Variants in HPGD observed in about 807,000 individuals in gnomAD.
HPGD encodes the protein 15-hydroxyprostaglandin dehydrogenase [NAD(+)].
HPGD carries 29 observed loss-of-function variants against 30.0 expected under a neutral mutation model. The ratio of observed to expected loss-of-function variants is 0.97; its 90% CI spans 0.72 to 1.32. The LOEUF (loss-of-function observed/expected upper bound fraction) is 1.32. HPGD is among the 40% of genes most tolerant of loss of function. HPGD has a pLI of 0.00. For missense variants in HPGD, 340 were observed against 322.1 expected (o/e 1.06, Z -0.43); for synonymous variants, 99 against 112.4 (o/e 0.88, Z 0.75).
In HPGD at chr4:174,493,505, A is replaced by G. The variant is rs13127058; in HGVS notation, c.499-191T>C. 119,489 of 548,114 alleles carry G rather than the reference A, an allele frequency of 0.22. 15,051 individuals carry two copies. Among genetic ancestry groups the G allele is most frequent in the East Asian group, 0.52 (16,079 of 30,938 alleles). 34.0% of individuals were successfully genotyped at this position (548,114 alleles called of 1,614,324 possible). A position where few individuals can be genotyped will look rare whatever the true frequency, so the allele number is the denominator to read the frequency against. ...TAAAGTATTGTATTAATTCCTGAAA[A>G]TCTCACCTAATTAATTTTTTTTAAA... is the stretch of plus-strand genomic sequence containing the variant. On this transcript the variant is annotated intron_variant, in intron 5 of 6. Coordinates refer to ENST00000296522, the MANE Select transcript of HPGD (RefSeq NM_000860.6).
chr4:174,499,991 A>C (rs1199515686), intron 4 of HPGD, among the ~76,000 whole-genome samples: 1 of 152,000 alleles, frequency 6.6e-6, no homozygotes, highest in Non-Finnish European at 1.5e-5. Context: ...TCAAATTTAA[A>C]ATACTTATCT....
At chr4:174,519,601 TC>T (rs1735977403) in intron 2 of HPGD, among the ~76,000 whole-genome samples, 1 of 152,082 alleles carries the variant, frequency 6.6e-6, no homozygotes. Context: ...AAATGGCCGG[TC>T]CTTGCCTTAA....
chr4:174,511,215 G>GA (rs34118686), intron 3 of HPGD, among the ~76,000 whole-genome samples: 166 of 144,366 alleles, frequency 1.1e-3, no homozygotes, highest in South Asian at 3.7e-3. Flanking sequence ...GTGCATTTCA[G>GA]AAAAAAAAAA....
At chr4:174,517,377 A>G (rs1735842433) in intron 3 of HPGD, among the ~76,000 whole-genome samples, 1 of 152,208 alleles carries the variant, frequency 6.6e-6, no homozygotes, top group Non-Finnish European at 1.5e-5. Flanking sequence ...GTTACATTCT[A>G]GCATTTAATT....
chr4:174,514,073 A>C (rs1194360224), intron 3 of HPGD, among the ~76,000 whole-genome samples: 3 of 152,142 alleles, frequency 2.0e-5, no homozygotes, highest in Non-Finnish European at 4.4e-5. Flanking sequence ...TTATAAGAAA[A>C]GAAAATTAAG....
At chr4:174,513,187 C>T (rs765238220) in intron 3 of HPGD, among the ~76,000 whole-genome samples, 4 of 152,006 alleles carry the variant, frequency 2.6e-5, no homozygotes, top group Non-Finnish European at 4.4e-5. Context: ...TAGATATTAC[C>T]GATGAAGCTA....
chr4:174,514,634 ATATTCAACATAG>A (rs1735675579), intron 3 of HPGD, among the ~76,000 whole-genome samples: 1 of 152,122 alleles, frequency 6.6e-6, no homozygotes, highest in African/African-American at 2.4e-5. Flanking sequence ...CTCACCACTC[ATATTCAACATAG>A]TACTGGAAAT....
In HPGD at chr4:174,493,257, C is replaced by A. The variant is rs755487700; in HGVS notation, c.556G>T (p.Val186Phe). 2 of 1,613,164 alleles carry A rather than the reference C, an allele frequency of 1.2e-6. No homozygotes were observed. Among genetic ancestry groups the A allele is most frequent in the Non-Finnish European group, 1.7e-6 (2 of 1,179,458 alleles). Residue 186 changes from valine (V) to phenylalanine (F), a missense_variant, in exon 6 of 7, where the codon GTT becomes TTT. Val to Phe is a conservative substitution (Grantham distance 50). Transcript: ENST00000296522. The stretch of plus-strand genomic sequence containing the variant: ...ATTGATTCAAGGATGGCTGTGTTAA[C>A]AAAGCCTGGACAAATGGCATTCAGT... ...VRLNAICPGFVNTAILESIEK... is the reference protein window; with the variant it reads ...VRLNAICPGFFNTAILESIEK...
intron 4 of HPGD, among the ~76,000 whole-genome samples, chr4:174,500,446 T>C (rs899529077): frequency 2.0e-5 from 3 of 152,218 alleles, no homozygotes; most frequent in African/African-American, 7.2e-5. Flanking sequence ...AAAATCTGTG[T>C]GTGGATGCTT....
chr4:174,508,297 T>C (rs1313859522), intron 4 of HPGD: 1 of 580,534 alleles, frequency 1.7e-6, no homozygotes, highest in African/African-American at 1.9e-5. Flanking sequence ...ATATATGCCA[T>C]ATTTTAAAAT....
chr4:174,497,687 C>T (rs1334932337), intron 4 of HPGD, among the ~76,000 whole-genome samples: 1 of 143,732 alleles, frequency 7.0e-6, no homozygotes, highest in Non-Finnish European at 1.5e-5. Context: ...AAGGGATTCT[C>T]CTGCCTCAGC....
In HPGD at chr4:174,496,912, T is replaced by A. The variant is rs1734623427; in HGVS notation, c.422-1288A>T. ...GTGTCCACCCAATGATTTCAAAGTA[T>A]TGTTAATATGTTGCTTCTCTTGTTG... On this transcript the variant is annotated intron_variant, in intron 4 of 6. Transcript: ENST00000296522. The surrounding 1 kb of genome is among the most constrained non-coding windows in gnomAD (Gnocchi z 4.6). Among the ~76,000 whole-genome samples the A allele has an allele frequency of 6.6e-6, 1 of 152,262 alleles. No individual in the cohort carries two copies. The highest frequency in any genetic ancestry group is 2.4e-5 in the African/African-American group (1 of 41,472).
chr4:174,520,334 AT>A (rs1381130445), intron 2 of HPGD, among the ~76,000 whole-genome samples: 3 of 152,178 alleles, frequency 2.0e-5, no homozygotes, highest in Non-Finnish European at 1.5e-5. Context: ...CTTGGCTGTG[AT>A]TTGTTCATTT....
rs1397241763 is a variant in HPGD, at chr4:174,492,609, G to C, written c.663-515C>G. Among the ~76,000 whole-genome samples the C allele has an allele frequency of 6.6e-6, 1 of 152,008 alleles. No individual in the cohort carries two copies. The highest frequency in any genetic ancestry group is 1.5e-5 in the Non-Finnish European group (1 of 67,914). ...TGTATTATCTCTATTTTATATGTGA[G>C]AAAATTGAAGCATCTAGAGGTATGA... On this transcript the variant is annotated intron_variant, in intron 6 of 6. Transcript: ENST00000296522. This position sits in a 1 kb window ranked among gnomAD's most constrained non-coding sequence, Gnocchi z 4.9.
Position 174,492,038 on chromosome 4 carries a change from C to G in HPGD, c.719G>C (p.Gly240Ala). 1 of 1,608,970 alleles carries G rather than the reference C, an allele frequency of 6.2e-7. No individual in the cohort carries two copies. Among genetic ancestry groups the G allele is most frequent in the South Asian group, 1.1e-5 (1 of 90,982 alleles). Residue 240 changes from glycine to alanine, a missense_variant, in exon 7 of 7, where the codon GGT becomes GCT. Physicochemically the swap from Gly to Ala is moderately conservative, Grantham distance 60. Coordinates refer to ENST00000296522, the MANE Select transcript of HPGD (RefSeq NM_000860.6). The surrounding 1 kb of genome is among the most constrained non-coding windows in gnomAD (Gnocchi z 4.9). ...ITLIEDDALN[G>A]AIMKITTSKG... ...AGAAGTTGTGATCTTCATAATAGCA[C>G]CATTTAAAGCATCATCTTCAATGAG... is the stretch of plus-strand genomic sequence containing the variant.
At chr4:174,517,671 T>A (rs376098528) in intron 3 of HPGD, among the ~76,000 whole-genome samples, 2 of 152,286 alleles carry the variant, frequency 1.3e-5, no homozygotes, top group East Asian at 3.9e-4. Context: ...AGCTTGCAGG[T>A]CATACCAAAA....
Position 174,505,037 on chromosome 4 carries a change from A to T in HPGD, c.421+3659T>A, listed in dbSNP as rs45602831. Among the ~76,000 whole-genome samples, 1,001 of 152,318 alleles carry T rather than the reference A, an allele frequency of 6.6e-3. 11 individuals are homozygous for T. The highest frequency in any genetic ancestry group is 0.023 in the African/African-American group (947 of 41,572). ...AATAAAAACTCGTGTAGAAAAGTCC[A>T]TGTGGGTTAACCACACTCAGAACAA... On this transcript the variant is annotated intron_variant, in intron 4 of 6. Transcript: ENST00000296522.
intron 5 of HPGD, 70 bp from the exon 6 acceptor site, chr4:174,493,384 AG>A (rs1734438198): frequency 6.9e-7 from 1 of 1,447,144 alleles, no homozygotes; most frequent in African/African-American, 1.4e-5. Flanking sequence ...TGATCATTAA[AG>A]CATCTTACAA....
chr4:174,497,568 C>CTTTTCTTTTTTTTTTTTTTTT (rs1553998366), intron 4 of HPGD, among the ~76,000 whole-genome samples: 8 of 51,114 alleles, frequency 1.6e-4, no homozygotes, highest in African/African-American at 4.7e-4. Context: ...CTTTTTCTTT[C>CTTTTCTTTTTTTTTTTTTTTT]TTTTTTTTTT....
Sources: allele counts gnomAD v4.1 joint callset (sites outside exome capture counted in the v4.1 genomes callset), GRCh38; gene constraint gnomAD v4.1.1; non-coding constraint Gnocchi (gnomAD v3.1); transcripts MANE v1.5; gene names NCBI Gene and HGNC (gene_info 2026-07-23, HGNC 2026-07-21).